IQCM: variants seen among roughly 807,000 people sequenced by gnomAD.
IQCM encodes the protein IQ domain-containing protein M.
In IQCM, 45 loss-of-function variants were observed where a neutral mutation model predicts 57.6. The ratio of observed to expected loss-of-function variants is 0.78; its 90% CI spans 0.62 to 1.00. The LOEUF is 1.00. IQCM is among the 50% of genes least tolerant of loss of function. The pLI, the probability that IQCM is intolerant of heterozygous loss-of-function variation, is 0.00. For missense variants in IQCM, 468 were observed against 511.6 expected (o/e 0.91, Z 0.82); for synonymous variants, 148 against 158.9 (o/e 0.93, Z 0.51).
At chr4:149,810,870 C>T (rs920120439) in intron 2 of IQCM, among the ~76,000 whole-genome samples, 3 of 152,096 alleles carry the variant, frequency 2.0e-5, no homozygotes, top group Non-Finnish European at 2.9e-5. Context: ...ATATAACCCG[C>T]CAAACTTTGC....
At chr4:149,518,356 T>G (rs750477382) in intron 12 of IQCM, among the ~76,000 whole-genome samples, 7 of 152,214 alleles carry the variant, frequency 4.6e-5, no homozygotes, top group Non-Finnish European at 8.8e-5. Context: ...GAAAGGGTAT[T>G]CCCTTACTCA....
chr4:149,443,247 C>A (rs897593541), intron 12 of IQCM, among the ~76,000 whole-genome samples: 1 of 151,908 alleles, frequency 6.6e-6, no homozygotes, highest in Admixed American at 6.6e-5. Flanking sequence ...GAACTTCAAT[C>A]GAATCTAGAA....
intron 2 of IQCM, among the ~76,000 whole-genome samples, chr4:149,773,475 T>G (rs1007921188): frequency 1.3e-5 from 2 of 152,194 alleles, no homozygotes; most frequent in Non-Finnish European, 2.9e-5. Context: ...TTAATCTTGT[T>G]TTAGAGAAAG....
chr4:149,650,087 A>T (rs1759018306), intron 7 of IQCM, among the ~76,000 whole-genome samples: 1 of 152,158 alleles, frequency 6.6e-6, no homozygotes, highest in Non-Finnish European at 1.5e-5. Context: ...GCCCAAAAAG[A>T]TATGTTGACG....
intron 5 of IQCM, among the ~76,000 whole-genome samples, chr4:149,716,054 C>T (rs1193318243): frequency 6.6e-6 from 1 of 152,212 alleles, no homozygotes; most frequent in Non-Finnish European, 1.5e-5. Flanking sequence ...AGGCTTCAGG[C>T]CATCCCCAGC....
intron 7 of IQCM, among the ~76,000 whole-genome samples, chr4:149,656,570 T>C (rs1759656084): frequency 6.6e-6 from 1 of 152,112 alleles, no homozygotes; most frequent in Admixed American, 6.6e-5. Context: ...TTTTATTATT[T>C]TAAAAAATCT....
intron 2 of IQCM, among the ~76,000 whole-genome samples, chr4:149,761,635 C>T (rs1769526021): frequency 6.6e-6 from 1 of 152,076 alleles, no homozygotes; most frequent in African/African-American, 2.4e-5. Context: ...ATATCCCCCA[C>T]TATACTTACA....
At chr4:149,355,419 G>T (rs1728894252) in intron 13 of IQCM, among the ~76,000 whole-genome samples, 1 of 112,986 alleles carries the variant, frequency 8.9e-6, no homozygotes, top group African/African-American at 3.7e-5. Flanking sequence ...ACAGGCCCCA[G>T]CGTGTGATGT....
chr4:149,533,569 C>T (rs1161703968), intron 12 of IQCM, among the ~76,000 whole-genome samples: 2 of 152,076 alleles, frequency 1.3e-5, no homozygotes. Flanking sequence ...GCTTAATGGA[C>T]TCACAATTCC....
In IQCM at chr4:149,405,828, C is replaced by CATAT. The variant is rs55914421; in HGVS notation, c.1390+27564_1390+27567dup. ...TTTTAAATTTTCACCTCCTAAGGAGCATATATATATATATATATATATGCT... is the reference window on the plus strand; with the variant it reads ...TTTTAAATTTTCACCTCCTAAGGAGCATATATATATATATATATATATATATGCT... On this transcript the variant is annotated intron_variant, in intron 13 of 13. Coordinates refer to ENST00000636793, the MANE Select transcript of IQCM (RefSeq NM_001363507.2). 9.9e-3 allele frequency among the ~76,000 whole-genome samples: 1,344 copies of CATAT among 135,352 alleles called. 16 individuals carry two copies. Among genetic ancestry groups the CATAT allele is most frequent in the South Asian group, 0.045 (185 of 4,136 alleles). The allele number at this position is 135,352 out of a possible 152,430, so 88.8% of individuals were successfully genotyped here.
chr4:149,370,966 T>A (rs906448794), intron 13 of IQCM, among the ~76,000 whole-genome samples: 5 of 152,162 alleles, frequency 3.3e-5, no homozygotes, highest in African/African-American at 1.2e-4. Context: ...TCCTGCCTTC[T>A]TACCCTTCCC....
chr4:149,464,860 T>C (rs993008660), intron 12 of IQCM, among the ~76,000 whole-genome samples: 1 of 152,158 alleles, frequency 6.6e-6, no homozygotes, highest in Non-Finnish European at 1.5e-5. Flanking sequence ...TTTTGATTAA[T>C]GGGATATTAT....
chr4:149,528,474 A>G (rs1213920683), intron 12 of IQCM, among the ~76,000 whole-genome samples: 1 of 152,204 alleles, frequency 6.6e-6, no homozygotes, highest in African/African-American at 2.4e-5. Flanking sequence ...TGACTATCTC[A>G]TCAGATATTA....
intron 2 of IQCM, among the ~76,000 whole-genome samples, chr4:149,806,200 T>C (rs1774064467): frequency 6.6e-6 from 1 of 151,858 alleles, no homozygotes; most frequent in Non-Finnish European, 1.5e-5. Context: ...AGCATGGTAT[T>C]ATGTGTTTTC....
chr4:149,543,736 A>C (rs1748096594), intron 12 of IQCM, among the ~76,000 whole-genome samples: 1 of 83,852 alleles, frequency 1.2e-5, no homozygotes, highest in Admixed American at 1.6e-4. Context: ...GTATAATAAT[A>C]ATAGAAATAA....
chr4:149,528,895 A>G (rs961061609), intron 12 of IQCM, among the ~76,000 whole-genome samples: 4 of 152,132 alleles, frequency 2.6e-5, no homozygotes, highest in Non-Finnish European at 5.9e-5. Flanking sequence ...TTTTTTTTGC[A>G]TAAGAAGTAA....
chr4:149,614,311 T>C (rs897320058), intron 8 of IQCM, among the ~76,000 whole-genome samples: 1 of 152,196 alleles, frequency 6.6e-6, no homozygotes, highest in Non-Finnish European at 1.5e-5. Context: ...TATAAAGCGA[T>C]TGAATGGCTT....
chr4:149,421,438 C>T (rs1248941314), intron 13 of IQCM, among the ~76,000 whole-genome samples: 4 of 151,832 alleles, frequency 2.6e-5, no homozygotes, highest in African/African-American at 4.8e-5. Flanking sequence ...TGAGATCTTC[C>T]CATCCATAAA....
At chr4:149,432,891 T>C (rs1384361997) in intron 13 of IQCM, among the ~76,000 whole-genome samples, 1 of 152,004 alleles carries the variant, frequency 6.6e-6, no homozygotes, top group African/African-American at 2.4e-5. Flanking sequence ...CATTATTTAC[T>C]AGAGAAATGC....
Sources: allele counts gnomAD v4.1 joint callset (sites outside exome capture counted in the v4.1 genomes callset), GRCh38; gene constraint gnomAD v4.1.1; transcripts MANE v1.5; gene names NCBI Gene and HGNC (gene_info 2026-07-23, HGNC 2026-07-21).